Variants in TNS1 observed in about 807,000 individuals in gnomAD.
The protein encoded by TNS1 is tensin 1, also known as tensin-1.
In TNS1, 62 loss-of-function variants were observed where a neutral mutation model predicts 168.6. That is an observed-to-expected ratio of 0.37 (90% CI 0.30 to 0.45). The LOEUF is 0.45. TNS1 is among the 20% of genes least tolerant of loss of function. TNS1 has a pLI of 1.00. For missense variants in TNS1, 2,240 were observed against 2,339.4 expected (o/e 0.96, Z 0.88); for synonymous variants, 934 against 933.2 (o/e 1.00, Z -0.02).
At chr2:217,808,967 A>G (rs1939807621) in intron 30 of TNS1, among the ~76,000 whole-genome samples, 1 of 152,240 alleles carries the variant, frequency 6.6e-6, no homozygotes, top group Non-Finnish European at 1.5e-5. Flanking sequence ...GGCCAGGGAC[A>G]CTGTTAGGAG....
At chr2:217,830,241 G>A in intron 22 of TNS1, 1 of 1,250,228 alleles carries the variant, frequency 8.0e-7, no homozygotes, top group Non-Finnish European at 1.1e-6. Flanking sequence ...GTGAGAGGCA[G>A]CCCCCAGCCC....
rs961944631 is a variant in TNS1, at chr2:217,880,419, C to T, written c.1429+479G>A. 6.6e-6 allele frequency among the ~76,000 whole-genome samples: 1 copy of T among 152,162 alleles called. No homozygotes were observed. The highest frequency in any genetic ancestry group is 1.5e-5 in the Non-Finnish European group (1 of 68,042). ...AGGCCCTAGATCCTGTGCCTCTGTTCCTAGTACTCTGACCCCAGAGAACTC... is the reference window on the plus strand; with the variant it reads ...AGGCCCTAGATCCTGTGCCTCTGTTTCTAGTACTCTGACCCCAGAGAACTC... On this transcript the variant is annotated intron_variant, in intron 18 of 32. Transcript: ENST00000682258. This position sits in a 1 kb window ranked among gnomAD's most constrained non-coding sequence, Gnocchi z 4.2.
At chr2:217,869,925 C>T (rs1460173374) in intron 18 of TNS1, among the ~76,000 whole-genome samples, 1 of 152,086 alleles carries the variant, frequency 6.6e-6, no homozygotes, top group African/African-American at 2.4e-5. Flanking sequence ...TGCAAGGGTG[C>T]CCTGGCCCTC....
intron 17 of TNS1, chr2:217,881,324 T>G: frequency 3.5e-6 from 1 of 283,668 alleles, no homozygotes; most frequent in Non-Finnish European, 6.6e-6. Flanking sequence ...CCTCTTTTTC[T>G]TCTGTGTCCC....
intron 17 of TNS1, 124 bp from the exon 18 acceptor site, chr2:217,881,138 C>T: frequency 4.4e-6 from 3 of 677,574 alleles, no homozygotes; most frequent in South Asian, 3.7e-5. Flanking sequence ...AGGGACTTCT[C>T]ATTTTCTTGA....
chr2:217,954,612 G>T (rs753824157), intron 3 of TNS1, among the ~76,000 whole-genome samples: 22 of 152,140 alleles, frequency 1.4e-4, no homozygotes, highest in Non-Finnish European at 3.1e-4. Context: ...AGGCCATCTG[G>T]CCTCAGGGCC....
intron 3 of TNS1, among the ~76,000 whole-genome samples, chr2:217,933,593 G>C (rs1057202804): frequency 7.9e-5 from 12 of 152,190 alleles, no homozygotes; most frequent in African/African-American, 2.9e-4. Context: ...CATATGTACA[G>C]ACTGGAACAG....
intron 5 of TNS1, among the ~76,000 whole-genome samples, chr2:217,906,703 C>T (rs1194034091): frequency 6.6e-6 from 1 of 152,084 alleles, no homozygotes; most frequent in Non-Finnish European, 1.5e-5. Context: ...AGATTTGAAC[C>T]GAAGTCCTTC....
At chr2:217,870,284 C>T (rs1949661150) in intron 18 of TNS1, among the ~76,000 whole-genome samples, 1 of 152,160 alleles carries the variant, frequency 6.6e-6, no homozygotes, top group Non-Finnish European at 1.5e-5. Context: ...TCCAGACAAC[C>T]CCAGGGCACA....
At position 217,817,787 on chromosome 2, in the gene TNS1, C is replaced by T. The variant is rs772724379; in HGVS notation, c.4545G>A (p.Val1515=). 8.7e-6 allele frequency: 14 copies of T among 1,614,124 alleles called. No individual in the cohort carries two copies. The Admixed American group carries it at 2.2e-4, about 25-fold the overall frequency. The change falls in exon 24 of 33, where the codon GTG becomes GTA. Residue 1515 remains valine, a synonymous_variant. Transcript: ENST00000682258. The stretch of plus-strand genomic sequence containing the variant: ...ACATGCCGCTGGCGACAGGCGAAGA[C>T]ACCTTCCCATTGATGGTGGCATAGT... ...LPNYATINGK[V]SSPVASGMSS...
intron 3 of TNS1, among the ~76,000 whole-genome samples, chr2:217,930,857 C>G (rs1195118275): frequency 6.6e-6 from 1 of 152,166 alleles, no homozygotes; most frequent in Non-Finnish European, 1.5e-5. Flanking sequence ...CCCCTTCTCC[C>G]TGACCTATTC....
intron 18 of TNS1, among the ~76,000 whole-genome samples, chr2:217,869,349 G>C (rs768339159): frequency 6.6e-6 from 1 of 152,226 alleles, no homozygotes; most frequent in Non-Finnish European, 1.5e-5. Flanking sequence ...CCTCTGAAAA[G>C]GCAGGGAGGA....
At chr2:218,028,481 T>C (rs1382935751) in intron 1 of TNS1, among the ~76,000 whole-genome samples, 1 of 152,210 alleles carries the variant, frequency 6.6e-6, no homozygotes, top group Admixed American at 6.5e-5. Context: ...GCAACCTTTA[T>C]TGAGTATCCA....
At chr2:217,978,111 G>A (rs1957939426) in intron 3 of TNS1, among the ~76,000 whole-genome samples, 1 of 152,140 alleles carries the variant, frequency 6.6e-6, no homozygotes, top group Non-Finnish European at 1.5e-5. Context: ...GAGCCAGCCT[G>A]GCCAACCAGG....
At chr2:217,862,150 C>T (rs979053938) in intron 18 of TNS1, among the ~76,000 whole-genome samples, 2 of 152,110 alleles carry the variant, frequency 1.3e-5, no homozygotes, top group Admixed American at 6.5e-5. Context: ...GAGAGAAGGA[C>T]GGGCACAACC....
upstream of TNS1, among the ~76,000 whole-genome samples, chr2:218,005,258 T>C (rs1396753078): frequency 6.6e-6 from 1 of 152,126 alleles, no homozygotes; most frequent in Admixed American, 6.5e-5. Context: ...TGCTGGAAAA[T>C]CAAACCAAAA....
At chr2:217,898,729 G>A (rs138540877) in intron 7 of TNS1, among the ~76,000 whole-genome samples, 1,814 of 152,328 alleles carry the variant, frequency 0.012, 22 homozygotes, top group African/African-American at 0.039. Context: ...GCGGGCAGCC[G>A]CCAGCACCAT....
Position 217,803,574 on chromosome 2 carries a change from C to A in TNS1, c.*885G>T, listed in dbSNP as rs558896442. 6.5e-6 allele frequency: 1 copy of A among 152,830 alleles called. No individual in the cohort carries two copies. Among genetic ancestry groups the A allele is most frequent in the African/African-American group, 2.4e-5 (1 of 41,574 alleles). The allele number at this position is 152,830 out of a possible 1,614,324, so 9.5% of individuals were successfully genotyped here. A position where few individuals can be genotyped will look rare whatever the true frequency, so the allele number is the denominator to read the frequency against. ...TCAAACCAAAGCTCCAGGCTTCTGG[C>A]CAAGGCAGGACAGGGCGATGCCATT... On this transcript the variant is annotated 3_prime_UTR_variant, in exon 33 of 33. Transcript: ENST00000682258.
intron 3 of TNS1, among the ~76,000 whole-genome samples, chr2:217,965,965 C>T (rs896549758): frequency 1.3e-5 from 2 of 152,036 alleles, no homozygotes; most frequent in Non-Finnish European, 2.9e-5. Flanking sequence ...CTCTAGCGTG[C>T]TTCATCCAGC....
Sources: gnomAD v4.1 joint callset for allele counts (sites outside exome capture counted in the v4.1 genomes callset) on GRCh38, gnomAD v4.1.1 for gene constraint, Gnocchi (gnomAD v3.1) non-coding constraint, MANE v1.5 for transcripts, NCBI Gene and HGNC (gene_info 2026-07-23, HGNC 2026-07-21) for gene names.